The following ZC3HAV1L variants were observed in gnomAD, a reference collection of about 807,000 sequenced individuals.
ZC3HAV1L encodes the protein ZC3HAV1 like.
A neutral mutation model predicts 28.2 loss-of-function variants in ZC3HAV1L; 23 were observed. The ratio of observed to expected loss-of-function variants is 0.82; its 90% CI spans 0.59 to 1.16. The LOEUF (loss-of-function observed/expected upper bound fraction) is 1.16. Ranked by LOEUF, ZC3HAV1L falls within the 50% of genes most tolerant of loss-of-function variation. ZC3HAV1L has a pLI of 0.00. For synonymous variants in ZC3HAV1L, 180 were observed against 163.4 expected, an observed-to-expected ratio of 1.10 and a Z score of -0.78; for missense variants, 376 against 387.7, an observed-to-expected ratio of 0.97 and a Z score of 0.25.
downstream of ZC3HAV1L, among the ~76,000 whole-genome samples, chr7:139,023,819 A>G (rs1815294001): frequency 6.6e-6 from 1 of 152,228 alleles, no homozygotes; most frequent in Non-Finnish European, 1.5e-5. Flanking sequence ...ATATGCAGGA[A>G]GATGATGAGG....
At chr7:139,021,961 T>C (rs1815255612), downstream of ZC3HAV1L, among the ~76,000 whole-genome samples, 1 of 152,130 alleles carries the variant, frequency 6.6e-6, no homozygotes, top group Non-Finnish European at 1.5e-5. Flanking sequence ...GTTAATAGCT[T>C]TCTAATAATA....
At chr7:139,032,309 A>C in intron 2 of ZC3HAV1L, among the ~76,000 whole-genome samples, 1 of 152,024 alleles carries the variant, frequency 6.6e-6, no homozygotes. Flanking sequence ...AATTTCTGGA[A>C]ATCCACTGTA....
chr7:139,027,386 C>A (rs1301112386), intron 3 of ZC3HAV1L, among the ~76,000 whole-genome samples: 1 of 152,184 alleles, frequency 6.6e-6, no homozygotes, highest in Non-Finnish European at 1.5e-5. Flanking sequence ...TAAAAAACTA[C>A]TAAAGGCCAG....
chr7:139,025,006 A>T (rs1487757182), downstream of ZC3HAV1L, among the ~76,000 whole-genome samples: 1 of 152,210 alleles, frequency 6.6e-6, no homozygotes, highest in Non-Finnish European at 1.5e-5. Context: ...GGAAGGGAGA[A>T]GGGAGAAAGG....
intron 1 of ZC3HAV1L, chr7:139,035,395 G>T (rs1460114408): frequency 1.0e-6 from 1 of 985,114 alleles, no homozygotes; most frequent in Non-Finnish European, 1.2e-6. Flanking sequence ...GCAGGATCCG[G>T]GGGGGCGGGC....
rs548765851 is a variant in ZC3HAV1L, at chr7:139,036,026, G to A, written c.-9C>T. 258 of 1,494,446 alleles carry A rather than the reference G, an allele frequency of 1.7e-4. No homozygotes were observed. The highest frequency in any genetic ancestry group is 2.4e-4 in the Admixed American group (11 of 45,098). 92.6% of individuals were successfully genotyped at this position (1,494,446 alleles called of 1,614,324 possible). Reference sequence around the variant, plus strand: ...ACTGTGGGCTCCGCCATGGTCGCTGGCGCGGGCCCTGTGCGCGCGGCGCAG... The same window carrying A: ...ACTGTGGGCTCCGCCATGGTCGCTGACGCGGGCCCTGTGCGCGCGGCGCAG... On this transcript the variant is annotated 5_prime_UTR_variant, in exon 1 of 5. Transcript: ENST00000275766.
At position 139,026,578 on chromosome 7, in the gene ZC3HAV1L, T is replaced by C; in HGVS notation, c.887-18A>G. 6.2e-7 allele frequency: 1 copy of C among 1,612,284 alleles called. No homozygotes were observed. On this transcript the variant is annotated intron_variant, in intron 4 of 4. Coordinates refer to ENST00000275766, the MANE Select transcript of ZC3HAV1L (RefSeq NM_080660.4). ...GCAAGACACTGTGAGGTAGATATTA[T>C]TATGACCATTACAAATCTATCATTA...
rs1335081068 is a variant in ZC3HAV1L at position 139,036,033 on chromosome 7, C to T, written c.-16G>A. The T allele has an allele frequency of 2.0e-6, 3 of 1,482,600 alleles. No individual in the cohort carries two copies. The highest frequency in any genetic ancestry group is 1.5e-5 in the African/African-American group (1 of 68,160). 91.8% of individuals were successfully genotyped at this position (1,482,600 alleles called of 1,614,324 possible). ...GCTCCGCCATGGTCGCTGGCGCGGG[C>T]CCTGTGCGCGCGGCGCAGCGAGCCG... On this transcript the variant is annotated 5_prime_UTR_variant, in exon 1 of 5. Transcript: ENST00000275766.
intron 2 of ZC3HAV1L, among the ~76,000 whole-genome samples, chr7:139,031,300 G>A (rs1162729442): frequency 6.6e-6 from 1 of 152,044 alleles, no homozygotes; most frequent in Non-Finnish European, 1.5e-5. Context: ...AATTTAAAAA[G>A]TGGACTGGGC....
In ZC3HAV1L at chr7:139,036,021, C is replaced by T. The variant is rs1470486527; in HGVS notation, c.-4G>A. On this transcript the variant is annotated 5_prime_UTR_variant, in exon 1 of 5. Coordinates refer to ENST00000275766, the MANE Select transcript of ZC3HAV1L (RefSeq NM_080660.4). ...AGCACACTGTGGGCTCCGCCATGGT[C>T]GCTGGCGCGGGCCCTGTGCGCGCGG... 2.0e-6 allele frequency: 3 copies of T among 1,501,952 alleles called. No homozygotes were observed. Among genetic ancestry groups the T allele is most frequent in the East Asian group, 2.8e-5 (1 of 36,268 alleles). The allele number at this position is 1,501,952 out of a possible 1,614,324, so 93.0% of individuals were successfully genotyped here. A position where few individuals can be genotyped will look rare whatever the true frequency, so the allele number is the denominator to read the frequency against.
chr7:139,021,668 A>G (rs931631327), downstream of ZC3HAV1L, among the ~76,000 whole-genome samples: 1 of 152,100 alleles, frequency 6.6e-6, no homozygotes, highest in Non-Finnish European at 1.5e-5. Flanking sequence ...TTTAAGTGAT[A>G]AAAATTTGAT....
At chr7:139,032,797 A>C (rs1225809958) in intron 2 of ZC3HAV1L, among the ~76,000 whole-genome samples, 2 of 152,168 alleles carry the variant, frequency 1.3e-5, no homozygotes, top group Non-Finnish European at 2.9e-5. Flanking sequence ...TAATCATTGC[A>C]ATCAATTCAC....
At chr7:139,035,444 C>T (rs1327371460) in intron 1 of ZC3HAV1L, 1 of 985,266 alleles carries the variant, frequency 1.0e-6, no homozygotes, top group Non-Finnish European at 1.2e-6. Flanking sequence ...GTTGAGACGT[C>T]TCCATGGAGA....
chr7:139,031,344 G>T (rs1178267734), intron 2 of ZC3HAV1L, among the ~76,000 whole-genome samples: 1 of 152,166 alleles, frequency 6.6e-6, no homozygotes, highest in African/African-American at 2.4e-5. Flanking sequence ...TAACACTGTG[G>T]GAGGCCAAGG....
At chr7:139,035,384 C>T (rs1815672172) in intron 1 of ZC3HAV1L, 1 of 985,126 alleles carries the variant, frequency 1.0e-6, no homozygotes, top group Non-Finnish European at 1.2e-6. Flanking sequence ...GGCCGCGTCG[C>T]GCAGGATCCG....
chr7:139,027,246 G>A (rs1394069043), intron 3 of ZC3HAV1L, among the ~76,000 whole-genome samples: 1 of 152,150 alleles, frequency 6.6e-6, no homozygotes, highest in Non-Finnish European at 1.5e-5. Context: ...TCCGCCTTTG[G>A]TGATTTACCT....
At position 139,025,761 on chromosome 7, in the gene ZC3HAV1L, T is replaced by C. The variant is rs1376519152; in HGVS notation, c.*783A>G. ...ATGCAAATGACAGTATCCTTTAGCA[T>C]CTATAAGCTAAGCAAAAGTAAAAAA... is the stretch of plus-strand genomic sequence containing the variant. On this transcript the variant is annotated 3_prime_UTR_variant, in exon 5 of 5. Transcript: ENST00000275766. 6.6e-6 allele frequency: 1 copy of C among 152,188 alleles called. No homozygotes were observed. Among genetic ancestry groups the C allele is most frequent in the Non-Finnish European group, 1.5e-5 (1 of 68,036 alleles). 9.4% of individuals were successfully genotyped at this position (152,188 alleles called of 1,614,324 possible).
rs112444031 is a variant in ZC3HAV1L at position 139,026,417 on chromosome 7, C to A, written c.*127G>T. 53 of 1,456,464 alleles carry A rather than the reference C, an allele frequency of 3.6e-5. 1 individual carries two copies. The African/African-American group carries it at 5.6e-4, about 15-fold the overall frequency. The allele number at this position is 1,456,464 out of a possible 1,614,324, so 90.2% of individuals were successfully genotyped here. On this transcript the variant is annotated 3_prime_UTR_variant, in exon 5 of 5. Transcript: ENST00000275766. ...TAGCAGCTGCCATCTTCAGCACTTG[C>A]CCTGGACTAGCCCCATCTGCACTCA...
In ZC3HAV1L at chr7:139,034,543, C is replaced by T. The variant is rs1389169816; in HGVS notation, c.501G>A (p.Glu167=). Residue 167 remains glutamate, a splice_region_variant and synonymous_variant, in exon 2 of 5, where the codon GAG becomes GAA. Coordinates refer to ENST00000275766, the MANE Select transcript of ZC3HAV1L (RefSeq NM_080660.4). ...LLQNDPCLLP[E]VCLLYNKGEA... is the part of the protein sequence containing the mutation. Reference sequence around the variant, plus strand: ...TGAGGGTGACTCCTTGGTGACTCACCTCTGGTAAAAGACAGGGGTCATTCT... The same window carrying T: ...TGAGGGTGACTCCTTGGTGACTCACTTCTGGTAAAAGACAGGGGTCATTCT... 1.2e-6 allele frequency: 2 copies of T among 1,613,892 alleles called. No homozygotes were observed. Among genetic ancestry groups the T allele is most frequent in the African/African-American group, 2.7e-5 (2 of 74,912 alleles).
Sources: gnomAD v4.1 joint callset for allele counts (sites outside exome capture counted in the v4.1 genomes callset) on GRCh38, gnomAD v4.1.1 for gene constraint, MANE v1.5 for transcripts, NCBI Gene and HGNC (gene_info 2026-07-23, HGNC 2026-07-21) for gene names.